Variants in ADGRA2 observed in about 807,000 individuals in gnomAD.
The protein encoded by ADGRA2 is G-protein coupled receptor 124.
A neutral mutation model predicts 98.7 loss-of-function variants in ADGRA2; 61 were observed. The observed-to-expected ratio is 0.62, with a 90% CI of 0.50 to 0.76. ADGRA2 has a LOEUF of 0.76. Ranked by LOEUF, ADGRA2 falls within the 30% of genes least tolerant of loss-of-function variation. The pLI, the probability that ADGRA2 is intolerant of heterozygous loss-of-function variation, is 0.00. For synonymous variants in ADGRA2, 858 were observed against 831.5 expected (o/e 1.03, Z -0.55); for missense variants, 1,712 against 1,860.0 (o/e 0.92, Z 1.46).
intron 2 of ADGRA2, among the ~76,000 whole-genome samples, chr8:37,822,277 C>T (rs1332843621): frequency 1.3e-5 from 2 of 152,016 alleles, no homozygotes; most frequent in Non-Finnish European, 2.9e-5. Flanking sequence ...GGGAAGGCTG[C>T]TTTGTGGCCT....
At chr8:37,831,014 A>T (rs1003760923) in intron 7 of ADGRA2, 91 bp downstream of exon 7, 5 of 914,334 alleles carry the variant, frequency 5.5e-6, no homozygotes, top group Non-Finnish European at 8.5e-6. Flanking sequence ...CTGCCCCCAG[A>T]TGTGTTCCCG....
intron 1 of ADGRA2, among the ~76,000 whole-genome samples, chr8:37,811,169 T>TTG (rs1804821239): frequency 1.5e-5 from 1 of 65,604 alleles, no homozygotes; most frequent in Non-Finnish European, 2.5e-5. Context: ...TGTGTGTGTG[T>TTG]TTTTTTTTTT....
chr8:37,835,477 G>A (rs1365628802), intron 12 of ADGRA2, 77 bp from the exon 13 acceptor site: 30 of 1,502,338 alleles, frequency 2.0e-5, no homozygotes, highest in African/African-American at 4.1e-5. Context: ...AGTGAGAGGA[G>A]GTGGGAGGAG....
Position 37,833,200 on chromosome 8 carries a change from T to C in ADGRA2, c.1288T>C (p.Phe430Leu), listed in dbSNP as rs921325597. ...TNDITRVLYTFVLMPINASNA... is the reference protein window; with the variant it reads ...TNDITRVLYTLVLMPINASNA... Reference sequence around the variant, plus strand: ...CGACATCACCAGGGTGCTGTACACCTTCGTGCTGGTGAGGAGAGGCTAGGG... The same window carrying C: ...CGACATCACCAGGGTGCTGTACACCCTCGTGCTGGTGAGGAGAGGCTAGGG... Residue 430 changes from phenylalanine (F) to leucine (L), a missense_variant, in exon 9 of 19, where the codon TTC (phenylalanine) becomes CTC (leucine). Coordinates refer to ENST00000412232, the MANE Select transcript of ADGRA2 (RefSeq NM_032777.10). 6 of 1,610,076 alleles carry C rather than the reference T, an allele frequency of 3.7e-6. No individual in the cohort carries two copies. The highest frequency in any genetic ancestry group is 5.1e-6 in the Non-Finnish European group (6 of 1,178,384).
Position 37,842,607 on chromosome 8 carries a change from C to T in ADGRA2, c.*252C>T, listed in dbSNP as rs1326677647. 7 of 499,470 alleles carry T rather than the reference C, an allele frequency of 1.4e-5. No homozygotes were observed. The highest frequency in any genetic ancestry group is 2.2e-5 in the Non-Finnish European group (7 of 313,334). 30.9% of individuals were successfully genotyped at this position (499,470 alleles called of 1,614,324 possible). A position where few individuals can be genotyped will look rare whatever the true frequency, so the allele number is the denominator to read the frequency against. On this transcript the variant is annotated 3_prime_UTR_variant, in exon 19 of 19. Transcript: ENST00000412232. ...CTGACTGTCGGTGCCCTCCCAGGAACGGGGAAGGCCTCCGTCTGTGTGAAA... is the reference window on the plus strand; with the variant it reads ...CTGACTGTCGGTGCCCTCCCAGGAATGGGGAAGGCCTCCGTCTGTGTGAAA...
intron 1 of ADGRA2, among the ~76,000 whole-genome samples, chr8:37,803,022 T>C (rs1804551609): frequency 6.6e-6 from 1 of 152,094 alleles, no homozygotes. Flanking sequence ...CCTCTGTGAT[T>C]AGGGAGGGGG....
rs189106619 is a variant in ADGRA2 at position 37,824,231 on chromosome 8, A to G, written c.339-4657A>G. 5.1e-3 allele frequency among the ~76,000 whole-genome samples: 780 copies of G among 152,006 alleles called. 6 individuals carry two copies. The highest frequency in any genetic ancestry group is 0.017 in the Middle Eastern group (5 of 292). On this transcript the variant is annotated intron_variant, in intron 2 of 18. Coordinates refer to ENST00000412232, the MANE Select transcript of ADGRA2 (RefSeq NM_032777.10). ...ATTTTTAGTAGAGATGGGTTTCACC[A>G]TGTTAGTCAGGCTGGTCTCGAACTC...
chr8:37,829,136 C>T, intron 3 of ADGRA2, 125 bp from the exon 4 acceptor site: 1 of 864,064 alleles, frequency 1.2e-6, no homozygotes, highest in East Asian at 2.5e-5. Context: ...CGGCCTGGCC[C>T]CAACCTCATC....
intron 2 of ADGRA2, among the ~76,000 whole-genome samples, chr8:37,817,828 C>A (rs1805021802): frequency 6.6e-6 from 1 of 152,154 alleles, no homozygotes. Flanking sequence ...ACCAGCCTGG[C>A]CAACATGGTG....
chr8:37,797,558 C>A lies in ADGRA2; in HGVS notation c.266+24C>A. 1 of 1,346,784 alleles carries A rather than the reference C, an allele frequency of 7.4e-7. No individual in the cohort carries two copies. The highest frequency in any genetic ancestry group is 9.6e-7 in the Non-Finnish European group (1 of 1,042,168). 83.4% of individuals were successfully genotyped at this position (1,346,784 alleles called of 1,614,324 possible). ...CTGTGAGTACCCTACCAGGCCAGTT[C>A]CGTCCGAGCCGGGACTGGGGACGAA... On this transcript the variant is annotated intron_variant, in intron 1 of 18. Coordinates refer to ENST00000412232, the MANE Select transcript of ADGRA2 (RefSeq NM_032777.10). The surrounding 1 kb of genome is among the most constrained non-coding windows in gnomAD (Gnocchi z 5.3).
At chr8:37,825,924 A>G (rs895205439) in intron 2 of ADGRA2, among the ~76,000 whole-genome samples, 2 of 152,074 alleles carry the variant, frequency 1.3e-5, no homozygotes, top group African/African-American at 4.8e-5. Flanking sequence ...GCTTGAGGCA[A>G]GGGAGAAGGC....
rs1480420274 is a variant in ADGRA2 at position 37,814,886 on chromosome 8, G to T, written c.267-10G>T. 6.2e-7 allele frequency: 1 copy of T among 1,605,604 alleles called. No homozygotes were observed. Among genetic ancestry groups the T allele is most frequent in the South Asian group, 1.1e-5 (1 of 90,918 alleles). On this transcript the variant is annotated splice_polypyrimidine_tract_variant and intron_variant, in intron 1 of 18. Coordinates refer to ENST00000412232, the MANE Select transcript of ADGRA2 (RefSeq NM_032777.10). This position sits in a 1 kb window ranked among gnomAD's most constrained non-coding sequence, Gnocchi z 4.3. ...ACCTTGTCCTGTCTGTGTCCTCTCT[G>T]TCTCTTCAGGCTCTTGAGCAATAAC...
intron 8 of ADGRA2, 45 bp downstream of exon 8, chr8:37,831,632 C>T: frequency 1.9e-6 from 3 of 1,575,668 alleles, no homozygotes; most frequent in Non-Finnish European, 2.6e-6. Flanking sequence ...GCCCCCAACC[C>T]CACCCTTGCA....
intron 2 of ADGRA2, among the ~76,000 whole-genome samples, chr8:37,815,524 C>T (rs7823540): frequency 1.5e-3 from 231 of 152,318 alleles, no homozygotes; most frequent in African/African-American, 5.4e-3. Flanking sequence ...CAGGTCTGGG[C>T]GTTCCCCGCT....
chr8:37,800,117 A>G (rs1340211500), intron 1 of ADGRA2, among the ~76,000 whole-genome samples: 2 of 152,164 alleles, frequency 1.3e-5, no homozygotes, highest in Non-Finnish European at 2.9e-5. Context: ...CCTCCCCATC[A>G]GGAAGGGTTA....
Position 37,840,216 on chromosome 8 carries a change from C to A in ADGRA2, c.2607C>A (p.Pro869=). The part of the protein sequence containing the change: ...VLHKELTWRA[P]PPQEGDPALP... ...ATAAGGAGCTCACCTGGAGGGCACC[C>A]CCTCCGCAAGAAGGGGACCCCGCTC... The change falls in exon 17 of 19, where the codon CCC becomes CCA. Residue 869 remains proline (P), a synonymous_variant. Transcript: ENST00000412232. 6.2e-7 allele frequency: 1 copy of A among 1,612,946 alleles called. No individual in the cohort carries two copies. Among genetic ancestry groups the A allele is most frequent in the Non-Finnish European group, 8.5e-7 (1 of 1,179,926 alleles).
At chr8:37,833,347 C>A in intron 9 of ADGRA2, 139 bp downstream of exon 9, 2 of 718,678 alleles carry the variant, frequency 2.8e-6, no homozygotes, top group Non-Finnish European at 4.5e-6. Flanking sequence ...GAGCCAGGAG[C>A]CGGCTCCTCT....
chr8:37,830,485 C>T lies in ADGRA2; in HGVS notation c.719-225C>T, dbSNP rs1436984474. 3.3e-5 allele frequency among the ~76,000 whole-genome samples: 5 copies of T among 152,202 alleles called. No homozygotes were observed. Among genetic ancestry groups the T allele is most frequent in the Non-Finnish European group, 5.9e-5 (4 of 68,034 alleles). ...TCTGGCCCCACCTCTTGGGGTAACA[C>T]GTGTGCTGAGAAAGGAGTACTTTTC... On this transcript the variant is annotated intron_variant, in intron 6 of 18. Transcript: ENST00000412232. The surrounding 1 kb of genome is among the most constrained non-coding windows in gnomAD (Gnocchi z 4.8).
At chr8:37,829,819 TC>T in intron 5 of ADGRA2, 31 bp from the exon 6 acceptor site, 1 of 1,595,942 alleles carries the variant, frequency 6.3e-7, no homozygotes, top group Non-Finnish European at 8.5e-7. Flanking sequence ...CTCCCTCTGC[TC>T]TGCTCCGTGA....
Sources: gnomAD v4.1 joint callset for allele counts (sites outside exome capture counted in the v4.1 genomes callset) on GRCh38, gnomAD v4.1.1 for gene constraint, Gnocchi (gnomAD v3.1) non-coding constraint, MANE v1.5 for transcripts, NCBI Gene and HGNC (gene_info 2026-07-23, HGNC 2026-07-21) for gene names.